SPAG16: variants seen among roughly 807,000 people sequenced by gnomAD.
The protein encoded by SPAG16 is sperm associated antigen 16, also known as sperm-associated antigen 16 protein.
Under a neutral mutation model 80.4 loss-of-function variants are expected in SPAG16, and 86 were observed. The ratio of observed to expected loss-of-function variants is 1.07; its 90% CI spans 0.90 to 1.28. The LOEUF (loss-of-function observed/expected upper bound fraction) is 1.28. Among genes scored for constraint, SPAG16 ranks in the 50% most tolerant of loss-of-function variants. The probability of loss-of-function intolerance (pLI) is 0.00; values close to 1 mark genes in which losing one functional copy is unlikely to be tolerated. For missense variants in SPAG16, 870 were observed against 765.3 expected (o/e 1.14, Z -1.61); for synonymous variants, 294 against 265.9 (o/e 1.11, Z -1.03).
intron 13 of SPAG16, among the ~76,000 whole-genome samples, chr2:214,064,741 T>C (rs9288486): frequency 0.69 from 104,181 of 151,930 alleles, 35,915 homozygotes; most frequent in Middle Eastern, 0.73. Flanking sequence ...TAGCCTGTAA[T>C]TGCTATTAAA....
At chr2:213,345,268 T>G (rs1416686207) in intron 6 of SPAG16, among the ~76,000 whole-genome samples, 1 of 142,864 alleles carries the variant, frequency 7.0e-6, no homozygotes, top group East Asian at 2.0e-4. Flanking sequence ...TCTTTGTAGA[T>G]TCTGGATATT....
intron 15 of SPAG16, among the ~76,000 whole-genome samples, chr2:214,298,161 C>CACATACACACACACACAT (rs1317770679): frequency 5.8e-5 from 1 of 17,126 alleles, no homozygotes; most frequent in Non-Finnish European, 2.6e-4. Flanking sequence ...CACACATATA[C>CACATACACACACACACAT]ACACACACAC....
At chr2:213,962,509 G>A (rs890106460) in intron 12 of SPAG16, among the ~76,000 whole-genome samples, 1 of 152,130 alleles carries the variant, frequency 6.6e-6, no homozygotes, top group African/African-American at 2.4e-5. Flanking sequence ...TTTAAAGAGA[G>A]AAAGACGGCA....
chr2:214,202,947 T>G (rs527942025), intron 15 of SPAG16, among the ~76,000 whole-genome samples: 2 of 152,342 alleles, frequency 1.3e-5, no homozygotes, highest in African/African-American at 4.8e-5. Context: ...CTGAGAGAAT[T>G]GCCTTCTCTT....
Position 213,941,640 on chromosome 2 carries a change from C to G in SPAG16, c.1400+11495C>G, listed in dbSNP as rs370434646. The stretch of plus-strand genomic sequence containing the variant: ...TATCTTAACTAATAACTTATGTTCC[C>G]TCCTACTCTTCACTTACTTCTAGAC... On this transcript the variant is annotated intron_variant, in intron 12 of 15. Transcript: ENST00000331683. 2.6e-5 allele frequency among the ~76,000 whole-genome samples: 4 copies of G among 152,156 alleles called. No individual in the cohort carries two copies. The East Asian group carries it at 5.8e-4, about 22-fold the overall frequency.
intron 10 of SPAG16, among the ~76,000 whole-genome samples, chr2:213,747,632 C>T (rs1028135502): frequency 6.6e-6 from 1 of 152,180 alleles, no homozygotes; most frequent in Non-Finnish European, 1.5e-5. Context: ...GGTATGGTAA[C>T]ATGCTATACA....
chr2:214,133,403 C>T lies in SPAG16; in HGVS notation c.1594-15737C>T, dbSNP rs1014761455. Among the ~76,000 whole-genome samples the T allele has an allele frequency of 1.6e-4, 25 of 152,040 alleles. 1 individual carries two copies. Among genetic ancestry groups the T allele is most frequent in the Admixed American group, 1.3e-3 (20 of 15,268 alleles). ...TTCCAAGGCTGGGTGTGGTGGCTTA[C>T]GCCTGTGCACTTTGGGAGGTCGAGG... On this transcript the variant is annotated intron_variant, in intron 14 of 15. Coordinates refer to ENST00000331683, the MANE Select transcript of SPAG16 (RefSeq NM_024532.5).
chr2:213,970,066 C>T (rs1210068001), intron 12 of SPAG16, among the ~76,000 whole-genome samples: 1 of 152,152 alleles, frequency 6.6e-6, no homozygotes, highest in Admixed American at 6.5e-5. Context: ...GCTGTGACCT[C>T]ACATGGCAGA....
chr2:213,640,370 A>G (rs2062539611), intron 10 of SPAG16, among the ~76,000 whole-genome samples: 1 of 152,170 alleles, frequency 6.6e-6, no homozygotes, highest in South Asian at 2.1e-4. Context: ...TCATTTGGGT[A>G]GACTATGTCA....
intron 13 of SPAG16, among the ~76,000 whole-genome samples, chr2:214,089,483 T>A (rs1376562918): frequency 6.6e-6 from 1 of 152,072 alleles, no homozygotes; most frequent in East Asian, 1.9e-4. Flanking sequence ...TTCCTTTAAA[T>A]GATGCAGGTT....
intron 10 of SPAG16, among the ~76,000 whole-genome samples, chr2:213,609,624 C>G (rs1011756755): frequency 6.6e-5 from 10 of 152,112 alleles, no homozygotes; most frequent in African/African-American, 2.4e-4. Flanking sequence ...TGTTATATTG[C>G]TTTCTATTAT....
In SPAG16 at chr2:214,309,800, G is replaced by T. The variant is rs188185616; in HGVS notation, c.1721-100340G>T. 1.8e-4 allele frequency among the ~76,000 whole-genome samples: 27 copies of T among 152,274 alleles called. 1 individual carries two copies. The highest frequency in any genetic ancestry group is 2.8e-4 in the Non-Finnish European group (19 of 68,008). ...GGGGAACCAAAGTGTGGCAGCTGCA[G>T]CAAAGTGCAAGTGGATACAGGGGTT... On this transcript the variant is annotated intron_variant, in intron 15 of 15. Transcript: ENST00000331683.
intron 7 of SPAG16, among the ~76,000 whole-genome samples, chr2:213,361,807 A>ACACG (rs1165588637): frequency 3.3e-5 from 5 of 151,586 alleles, no homozygotes; most frequent in Non-Finnish European, 5.9e-5. Context: ...ACACACACAC[A>ACACG]CACACACACA....
chr2:214,134,240 T>A (rs1169243620), intron 14 of SPAG16, among the ~76,000 whole-genome samples: 2 of 152,186 alleles, frequency 1.3e-5, no homozygotes, highest in East Asian at 3.9e-4. Flanking sequence ...TATTTACTGT[T>A]AGCGCTTCTG....
intron 15 of SPAG16, among the ~76,000 whole-genome samples, chr2:214,236,991 T>C (rs1689125536): frequency 6.6e-6 from 1 of 152,230 alleles, no homozygotes; most frequent in African/African-American, 2.4e-5. Flanking sequence ...CTTCTTTCCG[T>C]ATCCATAATG....
At chr2:214,367,462 C>T (rs1032851442) in intron 15 of SPAG16, among the ~76,000 whole-genome samples, 8 of 152,256 alleles carry the variant, frequency 5.3e-5, no homozygotes, top group African/African-American at 1.9e-4. Context: ...TCAAACTTAA[C>T]TGACCCTAAT....
chr2:214,393,623 C>T (rs1320620945), intron 15 of SPAG16, among the ~76,000 whole-genome samples: 4 of 151,814 alleles, frequency 2.6e-5, no homozygotes, highest in South Asian at 2.1e-4. Context: ...ATGTGTGTGT[C>T]ATCTGTGCAA....
At chr2:213,569,782 A>T (rs1411983668) in intron 10 of SPAG16, among the ~76,000 whole-genome samples, 1 of 122,828 alleles carries the variant, frequency 8.1e-6, no homozygotes. Flanking sequence ...CTCTTTTTCT[A>T]TTGATTGGAA....
intron 13 of SPAG16, among the ~76,000 whole-genome samples, chr2:214,034,282 C>G (rs555276667): frequency 6.6e-6 from 1 of 152,328 alleles, no homozygotes; most frequent in South Asian, 2.1e-4. Flanking sequence ...TGTCTCTCTA[C>G]TGTAAAGCAG....
Sources: allele counts gnomAD v4.1 joint callset (sites outside exome capture counted in the v4.1 genomes callset), GRCh38; gene constraint gnomAD v4.1.1; transcripts MANE v1.5; gene names NCBI Gene and HGNC (gene_info 2026-07-23, HGNC 2026-07-21).